Variants in OBI1 observed in about 807,000 individuals in gnomAD.
OBI1 encodes the protein ORC ubiquitin ligase 1.
A neutral mutation model predicts 62.4 loss-of-function variants in OBI1; 59 were observed. The observed-to-expected ratio is 0.95, with a 90% CI of 0.77 to 1.17. The LOEUF (loss-of-function observed/expected upper bound fraction) is 1.17, where lower values mean the gene tolerates loss of function less well. Ranked by LOEUF, OBI1 falls within the 50% of genes most tolerant of loss-of-function variation. The pLI is 0.00. For missense variants in OBI1, 875 were observed against 830.9 expected (o/e 1.05, Z -0.65); for synonymous variants, 302 against 292.8 (o/e 1.03, Z -0.32).
At chr13:78,643,162 TA>T (rs1876270585) in intron 2 of OBI1, among the ~76,000 whole-genome samples, 6 of 152,360 alleles carry the variant, frequency 3.9e-5, no homozygotes, top group African/African-American at 1.4e-4. Context: ...ATGGATGAAC[TA>T]TTTTCCTTGA....
chr13:78,642,221 G>GAAAA lies in OBI1; in HGVS notation c.209-12_209-9dup. On this transcript the variant is annotated splice_polypyrimidine_tract_variant and intron_variant, in intron 2 of 5. Coordinates refer to ENST00000282003, the MANE Select transcript of OBI1 (RefSeq NM_024546.4). The stretch of plus-strand genomic sequence containing the variant: ...CACTTTCACTTGTTCCTCCTGTAGG[G>GAAAA]AAAAAAAAAAAAATCCTAATTTTTC... 1 of 1,236,832 alleles carries GAAAA rather than the reference G, an allele frequency of 8.1e-7. No homozygotes were observed. The highest frequency in any genetic ancestry group is 1.1e-6 in the Non-Finnish European group (1 of 894,868). 76.6% of individuals were successfully genotyped at this position (1,236,832 alleles called of 1,614,324 possible). A position where few individuals can be genotyped will look rare whatever the true frequency, so the allele number is the denominator to read the frequency against.
intron 1 of OBI1, among the ~76,000 whole-genome samples, chr13:78,657,122 G>C (rs1001307308): frequency 6.6e-6 from 1 of 152,022 alleles, no homozygotes; most frequent in Admixed American, 6.6e-5. Flanking sequence ...TGTAACAGTA[G>C]AAATATGGTA....
chr13:78,616,307 C>T lies in OBI1; in HGVS notation c.1454G>A (p.Gly485Glu). The stretch of plus-strand genomic sequence containing the variant: ...TCCAACAGAATTTGCTATCGTGTTC[C>T]CCTCTGAACTTTCAAAATCTAAGTT... ...AQNLDFESSEGNTIANSVGEI... is the reference protein window; with the variant it reads ...AQNLDFESSEENTIANSVGEI... The change falls in exon 6 of 6, where the codon GGG (glycine) becomes GAG (glutamate). Residue 485 changes from glycine to glutamate, a missense_variant. Transcript: ENST00000282003. The T allele has an allele frequency of 1.2e-6, 2 of 1,614,014 alleles. No individual in the cohort carries two copies. The highest frequency in any genetic ancestry group is 2.2e-5 in the South Asian group (2 of 91,078).
chr13:78,635,031 C>T, intron 5 of OBI1, 79 bp downstream of exon 5: 1 of 832,350 alleles, frequency 1.2e-6, no homozygotes, highest in Non-Finnish European at 1.9e-6. Flanking sequence ...AAGAGTCAAA[C>T]AAAAAACAAA....
chr13:78,653,388 T>C (rs921904108), intron 1 of OBI1, among the ~76,000 whole-genome samples: 2 of 152,160 alleles, frequency 1.3e-5, no homozygotes, highest in African/African-American at 4.8e-5. Context: ...GAACCACTAG[T>C]ATGGTATAGT....
chr13:78,623,556 G>A (rs1268386222), intron 5 of OBI1, among the ~76,000 whole-genome samples: 2 of 152,166 alleles, frequency 1.3e-5, no homozygotes, highest in Non-Finnish European at 2.9e-5. Flanking sequence ...AGCAGGAATA[G>A]GATTTGAATC....
Position 78,616,352 on chromosome 13 carries a change from C to G in OBI1, c.1409G>C (p.Cys470Ser). ...SSPKTGFWDC[C>S]STSYAQNLDF... is the part of the protein sequence containing the mutation. Reference sequence around the variant, plus strand: ...TAAGTTTTGGGCATAGCTTGTGGAACAACAGTCCCAAAATCCTGTCTTTGG... The same window carrying G: ...TAAGTTTTGGGCATAGCTTGTGGAAGAACAGTCCCAAAATCCTGTCTTTGG... Residue 470 changes from cysteine to serine, a missense_variant, in exon 6 of 6, where the codon TGT (cysteine) becomes TCT (serine). Physicochemically the swap from Cys to Ser is moderately radical, Grantham distance 112 (BLOSUM62 -1). Coordinates refer to ENST00000282003, the MANE Select transcript of OBI1 (RefSeq NM_024546.4). 1 of 1,613,978 alleles carries G rather than the reference C, an allele frequency of 6.2e-7. No homozygotes were observed. The highest frequency in any genetic ancestry group is 8.5e-7 in the Non-Finnish European group (1 of 1,179,868).
intron 1 of OBI1, among the ~76,000 whole-genome samples, chr13:78,649,932 G>A (rs1171019787): frequency 6.6e-6 from 1 of 152,232 alleles, no homozygotes; most frequent in Non-Finnish European, 1.5e-5. Context: ...GTTATCAGCT[G>A]AAAACGAGAA....
intron 5 of OBI1, among the ~76,000 whole-genome samples, chr13:78,633,278 G>T (rs1446389901): frequency 6.6e-6 from 1 of 152,154 alleles, no homozygotes; most frequent in Non-Finnish European, 1.5e-5. Context: ...AAAGAAAAAC[G>T]GGGTTGGAGA....
At chr13:78,626,411 C>T (rs1185658237) in intron 5 of OBI1, among the ~76,000 whole-genome samples, 2 of 152,160 alleles carry the variant, frequency 1.3e-5, no homozygotes, top group Non-Finnish European at 2.9e-5. Context: ...AAGGAGCTGC[C>T]AGATTAACTG....
intron 3 of OBI1, among the ~76,000 whole-genome samples, chr13:78,640,977 T>C (rs78899668): frequency 0.26 from 39,323 of 149,318 alleles, 5,380 homozygotes; most frequent in East Asian, 0.31. Context: ...ACTGTGACTA[T>C]TGCAAGTATT....
At chr13:78,650,998 A>C (rs1876527050) in intron 1 of OBI1, among the ~76,000 whole-genome samples, 1 of 152,184 alleles carries the variant, frequency 6.6e-6, no homozygotes, top group African/African-American at 2.4e-5. Flanking sequence ...CATTAAGTCT[A>C]AGAAGCCACA....
chr13:78,617,284 G>A, intron 5 of OBI1, 162 bp from the exon 6 acceptor site: 1 of 504,638 alleles, frequency 2.0e-6, no homozygotes, highest in Non-Finnish European at 3.4e-6. Flanking sequence ...TCAAAAAATG[G>A]TTTCCCCACT....
chr13:78,643,399 G>A (rs34126296), intron 2 of OBI1, among the ~76,000 whole-genome samples: 1 of 152,140 alleles, frequency 6.6e-6, no homozygotes, highest in African/African-American at 2.4e-5. Flanking sequence ...CAGGTACCAA[G>A]AGCCAACTCT....
At chr13:78,643,153 T>C (rs945160567) in intron 2 of OBI1, among the ~76,000 whole-genome samples, 4 of 152,222 alleles carry the variant, frequency 2.6e-5, no homozygotes, top group Non-Finnish European at 4.4e-5. Context: ...AATGCAAAAA[T>C]GGATGAACTA....
chr13:78,616,883 T>A lies in OBI1; in HGVS notation c.878A>T (p.Asn293Ile). 3.1e-6 allele frequency: 5 copies of A among 1,614,208 alleles called. No homozygotes were observed. The highest frequency in any genetic ancestry group is 4.2e-6 in the Non-Finnish European group (5 of 1,180,036). ...KGSEEDVVSK[N>I]QGDSARKQPG... ...CTGCTTTCTGGCACTATCGCCTTGA[T>A]TCTTTGACACCACATCCTCCTCACT... Residue 293 changes from asparagine (N) to isoleucine (I), a missense_variant, in exon 6 of 6, where the codon AAT becomes ATT. By Grantham distance (149) the Asn-to-Ile change is moderately radical. Transcript: ENST00000282003.
At chr13:78,634,793 T>C (rs1184121482) in intron 5 of OBI1, among the ~76,000 whole-genome samples, 1 of 152,212 alleles carries the variant, frequency 6.6e-6, no homozygotes, top group Non-Finnish European at 1.5e-5. Flanking sequence ...CTAAAGGGCA[T>C]TACCTTAATC....
At chr13:78,637,284 C>A (rs1876059288) in intron 4 of OBI1, among the ~76,000 whole-genome samples, 1 of 152,080 alleles carries the variant, frequency 6.6e-6, no homozygotes, top group South Asian at 2.1e-4. Flanking sequence ...CATGTTTTTT[C>A]ATTCACTTAT....
intron 1 of OBI1, among the ~76,000 whole-genome samples, chr13:78,647,550 C>T (rs1876421483): frequency 6.6e-6 from 1 of 152,244 alleles, no homozygotes; most frequent in Admixed American, 6.5e-5. Context: ...TGCTGACCTT[C>T]TCCCCACTAT....
Sources: gnomAD v4.1 joint callset for allele counts (sites outside exome capture counted in the v4.1 genomes callset) on GRCh38, gnomAD v4.1.1 for gene constraint, MANE v1.5 for transcripts, NCBI Gene and HGNC (gene_info 2026-07-23, HGNC 2026-07-21) for gene names.